The following CHMP3 variants were observed in gnomAD, a reference collection of about 807,000 sequenced individuals.
CHMP3 encodes charged multivesicular body protein 3, also known as 25.1 protein.
Under a neutral mutation model 27.4 loss-of-function variants are expected in CHMP3, and 8 were observed. The observed-to-expected ratio is 0.29, with a 90% CI of 0.17 to 0.53. The LOEUF (loss-of-function observed/expected upper bound fraction) is 0.53, where lower values mean the gene tolerates loss of function less well. CHMP3 is among the 20% of genes least tolerant of loss of function. CHMP3 has a pLI of 0.96. For synonymous variants in CHMP3, 86 were observed against 85.5 expected, an observed-to-expected ratio of 1.01 and a Z score of -0.03; for missense variants, 208 against 271.5, an observed-to-expected ratio of 0.77 and a Z score of 1.64.
chr2:86,558,340 T>G (rs1382975126), intron 1 of CHMP3, among the ~76,000 whole-genome samples: 1 of 152,204 alleles, frequency 6.6e-6, no homozygotes, highest in Non-Finnish European at 1.5e-5. Context: ...CCACCACAGT[T>G]TGTGCAGGGG....
At chr2:86,528,261 T>C (rs912362180) in intron 3 of CHMP3, among the ~76,000 whole-genome samples, 1 of 152,200 alleles carries the variant, frequency 6.6e-6, no homozygotes. Flanking sequence ...TTCTTTTGAG[T>C]GTGATCAATG....
intron 1 of CHMP3, among the ~76,000 whole-genome samples, chr2:86,549,733 C>A (rs550214305): frequency 5.5e-5 from 8 of 146,270 alleles, no homozygotes; most frequent in Admixed American, 5.4e-4. Flanking sequence ...GGCAGAGGCA[C>A]CCACTTCGCA....
At chr2:86,508,736 T>C (rs1674981896) in intron 4 of CHMP3, among the ~76,000 whole-genome samples, 1 of 152,198 alleles carries the variant, frequency 6.6e-6, no homozygotes, top group South Asian at 2.1e-4. Flanking sequence ...CCTGCCTGCC[T>C]GAATCTAACT....
chr2:86,541,969 TCTTA>T (rs1408473189), intron 2 of CHMP3, among the ~76,000 whole-genome samples: 1 of 152,214 alleles, frequency 6.6e-6, no homozygotes, highest in African/African-American at 2.4e-5. Flanking sequence ...AAATTGTATT[TCTTA>T]CTTATGTATA....
At chr2:86,555,752 CTTCTT>C (rs1360742754) in intron 1 of CHMP3, among the ~76,000 whole-genome samples, 3 of 148,608 alleles carry the variant, frequency 2.0e-5, no homozygotes, top group Admixed American at 2.0e-4. Flanking sequence ...ATTGCCTTCT[CTTCTT>C]CTGTGTATGT....
chr2:86,555,051 T>C (rs1677066753), intron 1 of CHMP3, among the ~76,000 whole-genome samples: 1 of 152,082 alleles, frequency 6.6e-6, no homozygotes, highest in Non-Finnish European at 1.5e-5. Flanking sequence ...TTTCACTATG[T>C]TGGCCAGGCT....
chr2:86,539,954 G>C (rs1324701051), intron 2 of CHMP3, among the ~76,000 whole-genome samples: 3 of 151,924 alleles, frequency 2.0e-5, no homozygotes, highest in African/African-American at 7.3e-5. Context: ...ACCTATGAAT[G>C]TTATTTTCAT....
chr2:86,563,330 T>A lies in CHMP3; in HGVS notation c.19A>T (p.Thr7Ser), dbSNP rs774481900. The A allele has an allele frequency of 4.3e-6, 7 of 1,613,962 alleles. No individual in the cohort carries two copies. In the Admixed American group the frequency reaches 1.2e-4, roughly 27 times the overall value. The change falls in exon 1 of 6, where the codon ACC becomes TCC. Residue 7 changes from threonine to serine, a missense_variant. Transcript: ENST00000263856. ...AGTTCTTTGGGCGGCTTCTCCTGGG[T>A]CTTTCCAAACAGCCCCATGACGAAC... The part of the protein sequence containing the change: MGLFGK[T>S]QEKPPKELVN...
At chr2:86,516,146 CAAAA>C (rs35800757) in intron 3 of CHMP3, among the ~76,000 whole-genome samples, 2 of 83,686 alleles carry the variant, frequency 2.4e-5, no homozygotes, top group South Asian at 3.8e-4. Flanking sequence ...GACTCCATCT[CAAAA>C]AAAAAAAAAA....
At chr2:86,506,671 G>C (rs936973737) in intron 5 of CHMP3, among the ~76,000 whole-genome samples, 1 of 146,254 alleles carries the variant, frequency 6.8e-6, no homozygotes. Flanking sequence ...GCAGTAGTGC[G>C]ATCATGGCCA....
chr2:86,528,879 T>C (rs1487686837), intron 3 of CHMP3, among the ~76,000 whole-genome samples: 2 of 152,144 alleles, frequency 1.3e-5, no homozygotes, highest in African/African-American at 4.8e-5. Context: ...GCTCTGGACC[T>C]AGGACAAAGG....
At chr2:86,537,644 C>T (rs1335474344) in intron 2 of CHMP3, among the ~76,000 whole-genome samples, 7 of 152,052 alleles carry the variant, frequency 4.6e-5, no homozygotes, top group Non-Finnish European at 8.8e-5. Context: ...GTTTGGTTTT[C>T]TTTTTTGCTT....
At chr2:86,547,960 T>C (rs1488983722) in intron 1 of CHMP3, among the ~76,000 whole-genome samples, 1 of 152,140 alleles carries the variant, frequency 6.6e-6, no homozygotes, top group African/African-American at 2.4e-5. Context: ...TATGCGAAAC[T>C]AGGCAAAGGA....
intron 3 of CHMP3, among the ~76,000 whole-genome samples, chr2:86,513,255 A>T (rs917457509): frequency 6.6e-6 from 1 of 152,238 alleles, no homozygotes; most frequent in Admixed American, 6.5e-5. Context: ...AGCCAGTCTG[A>T]AAAGGCTACA....
intron 5 of CHMP3, among the ~76,000 whole-genome samples, chr2:86,506,852 G>A (rs1303371264): frequency 6.6e-6 from 1 of 151,744 alleles, no homozygotes; most frequent in African/African-American, 2.4e-5. Context: ...CAATCCACTT[G>A]CCTCAGCCTC....
intron 3 of CHMP3, among the ~76,000 whole-genome samples, chr2:86,528,984 T>A (rs1026785641): frequency 6.6e-6 from 1 of 152,232 alleles, no homozygotes; most frequent in Admixed American, 6.5e-5. Flanking sequence ...CACTGTTCAA[T>A]ACATTCTAAC....
chr2:86,538,814 T>C (rs909004538), intron 2 of CHMP3, among the ~76,000 whole-genome samples: 2 of 152,194 alleles, frequency 1.3e-5, no homozygotes, highest in African/African-American at 4.8e-5. Flanking sequence ...GAACTCCCTA[T>C]AGTTATATTT....
chr2:86,529,227 T>G lies in CHMP3; in HGVS notation c.277A>C (p.Asn93His). The G allele has an allele frequency of 6.2e-7, 1 of 1,606,260 alleles. No homozygotes were observed. Among genetic ancestry groups the G allele is most frequent in the Non-Finnish European group, 8.5e-7 (1 of 1,177,120 alleles). The change falls in exon 3 of 6, where the codon AAC (asparagine) becomes CAC (histidine). Residue 93 changes from asparagine to histidine, a missense_variant. This residue lies in a region of CHMP3 where 94 missense variants were observed against 159.6 expected (regional missense o/e 0.59). Coordinates refer to ENST00000263856, the MANE Select transcript of CHMP3 (RefSeq NM_016079.4). ...HMNSVLMGMK[N>H]QLAVLRVAGS... ...GTAAGTGCAGCCTTACCGAGCTGGT[T>G]CTTCATCCCCATGAGCACTGAGTTC...
intron 5 of CHMP3, 92 bp downstream of exon 5, chr2:86,507,386 TA>T: frequency 9.5e-7 from 1 of 1,047,362 alleles, no homozygotes; most frequent in Non-Finnish European, 1.5e-6. Context: ...AGAAGGGAGT[TA>T]ATGCCTAAAG....
Sources: gnomAD v4.1 joint callset for allele counts (sites outside exome capture counted in the v4.1 genomes callset) on GRCh38, gnomAD v4.1.1 for gene constraint, gnomAD v4.1.1 regional missense constraint, MANE v1.5 for transcripts, NCBI Gene and HGNC (gene_info 2026-07-23, HGNC 2026-07-21) for gene names.